MAP4K3: variants seen among roughly 807,000 people sequenced by gnomAD.
MAP4K3 encodes mitogen-activated protein kinase kinase kinase kinase 3.
Under a neutral mutation model 143.5 loss-of-function variants are expected in MAP4K3, and 94 were observed. The ratio of observed to expected loss-of-function variants is 0.65; its 90% CI spans 0.55 to 0.78. MAP4K3 has a LOEUF of 0.78. MAP4K3 is among the 30% of genes least tolerant of loss of function. The pLI is 0.00. For missense variants in MAP4K3, 1,077 were observed against 1,068.1 expected (o/e 1.01, Z -0.12); for synonymous variants, 416 against 347.2 (o/e 1.20, Z -2.20).
chr2:39,390,195 G>A (rs1255498487), intron 1 of MAP4K3, among the ~76,000 whole-genome samples: 1 of 152,160 alleles, frequency 6.6e-6, no homozygotes, highest in Non-Finnish European at 1.5e-5. Context: ...AACTGGGGAT[G>A]ATAATAGTAT....
At chr2:39,354,704 T>C (rs752020173) in intron 3 of MAP4K3, among the ~76,000 whole-genome samples, 1 of 151,914 alleles carries the variant, frequency 6.6e-6, no homozygotes, top group Non-Finnish European at 1.5e-5. Flanking sequence ...CCCACACCTC[T>C]ACCTTAACCA....
chr2:39,356,176 C>T (rs748960831), intron 3 of MAP4K3, 73 bp downstream of exon 3: 1 of 861,908 alleles, frequency 1.2e-6, no homozygotes, highest in Admixed American at 2.6e-5. Flanking sequence ...GGTATTAAAA[C>T]TAACTTTATT....
intron 18 of MAP4K3, among the ~76,000 whole-genome samples, chr2:39,292,513 C>T (rs1384365801): frequency 6.6e-6 from 1 of 152,160 alleles, no homozygotes; most frequent in East Asian, 1.9e-4. Flanking sequence ...GCAGCCCTCA[C>T]CAAGTTGGTT....
intron 1 of MAP4K3, among the ~76,000 whole-genome samples, chr2:39,429,649 T>C (rs891325846): frequency 3.3e-5 from 5 of 152,238 alleles, no homozygotes; most frequent in African/African-American, 1.2e-4. Flanking sequence ...TTTAGAATTA[T>C]GTATCTCAAA....
At chr2:39,310,423 T>C (rs999790472) in intron 13 of MAP4K3, among the ~76,000 whole-genome samples, 6 of 152,226 alleles carry the variant, frequency 3.9e-5, no homozygotes, top group African/African-American at 1.4e-4. Context: ...ATGACAGGAT[T>C]TCATTTTTTT....
chr2:39,320,321 T>A (rs1214067150), intron 12 of MAP4K3, among the ~76,000 whole-genome samples: 1 of 152,166 alleles, frequency 6.6e-6, no homozygotes, highest in African/African-American at 2.4e-5. Flanking sequence ...ATAAATGCAA[T>A]GAAATAATGC....
intron 18 of MAP4K3, among the ~76,000 whole-genome samples, chr2:39,291,062 C>G (rs983771299): frequency 6.6e-6 from 1 of 151,984 alleles, no homozygotes; most frequent in Non-Finnish European, 1.5e-5. Context: ...AAGACTCTGT[C>G]TCAAAAAACA....
At chr2:39,411,014 C>A (rs1252297002) in intron 1 of MAP4K3, among the ~76,000 whole-genome samples, 3 of 152,010 alleles carry the variant, frequency 2.0e-5, no homozygotes, top group African/African-American at 4.8e-5. Context: ...ATTTTTTTTA[C>A]TTAAGCTGGA....
At chr2:39,413,460 CAGAT>C (rs1223154757) in intron 1 of MAP4K3, among the ~76,000 whole-genome samples, 2 of 152,038 alleles carry the variant, frequency 1.3e-5, no homozygotes, top group African/African-American at 4.8e-5. Context: ...AGTCAGTGGT[CAGAT>C]ACTGGTATTG....
At chr2:39,323,481 A>T (rs983431986) in intron 12 of MAP4K3, 8 of 152,358 alleles carry the variant, frequency 5.3e-5, no homozygotes, top group African/African-American at 1.9e-4. Flanking sequence ...GTTATGCACC[A>T]ATTTCAGTTA....
At chr2:39,339,994 TAAAC>T (rs1246722250) in intron 4 of MAP4K3, among the ~76,000 whole-genome samples, 2 of 151,670 alleles carry the variant, frequency 1.3e-5, no homozygotes, top group East Asian at 1.9e-4. Flanking sequence ...CAATATTAAA[TAAAC>T]AAACACAAAA....
At chr2:39,328,096 C>A (rs1022799551) in intron 8 of MAP4K3, among the ~76,000 whole-genome samples, 1 of 152,048 alleles carries the variant, frequency 6.6e-6, no homozygotes, top group African/African-American at 2.4e-5. Flanking sequence ...TTTGGGAGGC[C>A]GAGGCAGGTG....
chr2:39,395,644 T>TG (rs1553424119), intron 1 of MAP4K3, among the ~76,000 whole-genome samples: 1 of 152,164 alleles, frequency 6.6e-6, no homozygotes, highest in Non-Finnish European at 1.5e-5. Flanking sequence ...TATTTATCCA[T>TG]TACCATTTAC....
At chr2:39,271,757 A>G (rs567123024) in intron 26 of MAP4K3, among the ~76,000 whole-genome samples, 1 of 152,106 alleles carries the variant, frequency 6.6e-6, no homozygotes, top group South Asian at 2.1e-4. Flanking sequence ...ATGCCTGGCT[A>G]CTTTTTAAAA....
chr2:39,359,603 A>G (rs1029413108), intron 2 of MAP4K3, among the ~76,000 whole-genome samples: 2 of 152,264 alleles, frequency 1.3e-5, no homozygotes, highest in Non-Finnish European at 2.9e-5. Flanking sequence ...CTGCCCTAGC[A>G]GAACCACGAG....
At chr2:39,342,328 C>T (rs554729006) in intron 4 of MAP4K3, among the ~76,000 whole-genome samples, 1 of 152,084 alleles carries the variant, frequency 6.6e-6, no homozygotes, top group African/African-American at 2.4e-5. Flanking sequence ...TGGGGTTTCA[C>T]CATGTTGGCC....
At position 39,258,430 on chromosome 2, in the gene MAP4K3, T is replaced by G; in HGVS notation, c.2388A>C (p.Lys796Asn). ...TILVCLDCCI[K>N]IVNLQGRLKS... ...TTAATCTTCCTTGGAGATTTACTAT[T>G]TTTATACAACCTAGAGGAAAAAAAG... is the stretch of plus-strand genomic sequence containing the variant. The change falls in exon 31 of 34, where the codon AAA (lysine) becomes AAC (asparagine). Residue 796 changes from lysine to asparagine, a missense_variant. This residue lies in a region of MAP4K3 where 864 missense variants were observed against 801.2 expected (regional missense o/e 1.08). Coordinates refer to ENST00000263881, the MANE Select transcript of MAP4K3 (RefSeq NM_003618.4). The G allele has an allele frequency of 6.2e-7, 1 of 1,609,960 alleles. No homozygotes were observed. Among genetic ancestry groups the G allele is most frequent in the Non-Finnish European group, 8.5e-7 (1 of 1,177,164 alleles).
chr2:39,265,196 T>A lies in MAP4K3; in HGVS notation c.2136+7A>T. ...TAAGAATAAGATAGTCTGACTTTTA[T>A]GCTTACCTTAATTAACATAAATTTC... On this transcript the variant is annotated splice_region_variant and intron_variant, in intron 28 of 33. Transcript: ENST00000263881. 1 of 1,554,444 alleles carries A rather than the reference T, an allele frequency of 6.4e-7. No homozygotes were observed. The highest frequency in any genetic ancestry group is 1.1e-5 in the South Asian group (1 of 89,540).
intron 3 of MAP4K3, among the ~76,000 whole-genome samples, chr2:39,355,424 A>G (rs999079598): frequency 2.7e-5 from 4 of 149,872 alleles, no homozygotes; most frequent in African/African-American, 7.4e-5. Context: ...CCAGCTATTC[A>G]TGAGGCTGAG....
Sources: allele counts gnomAD v4.1 joint callset (sites outside exome capture counted in the v4.1 genomes callset), GRCh38; gene constraint gnomAD v4.1.1; regional missense constraint gnomAD v4.1.1; transcripts MANE v1.5; gene names NCBI Gene and HGNC (gene_info 2026-07-23, HGNC 2026-07-21).